CCDC87: variants seen among roughly 807,000 people sequenced by gnomAD.
The protein encoded by CCDC87 is coiled-coil domain-containing protein 87.
For synonymous variants in CCDC87, 434 were observed against 440.2 expected (o/e 0.99, Z 0.18); for missense variants, 1,072 against 1,041.7 (o/e 1.03, Z -0.40).
In CCDC87 at chr11:66,592,444, TC is replaced by T. The variant is rs1565320541; in HGVS notation, c.571del (p.Asp191MetfsTer37). The T allele has an allele frequency of 6.2e-7, 1 of 1,613,724 alleles. No homozygotes were observed. The stretch of plus-strand genomic sequence containing the variant: ...GCAGACAGGGTGCAGCTTGTCCACA[TC>T]CCCAGAGGCCTGCTCTGCCCTCAGC... The part of the protein sequence containing the change: ...ALLRAEQASG[D>X]VDKLHPVCPA... On this transcript the variant is annotated frameshift_variant, in exon 1 of 1. Coordinates refer to ENST00000333861, the MANE Select transcript of CCDC87 (RefSeq NM_018219.3). LOFTEE classifies it low-confidence loss of function (END_TRUNC).
In CCDC87 at chr11:66,592,116, C is replaced by A; in HGVS notation, c.900G>T (p.Ser300=). The A allele has an allele frequency of 6.3e-7, 1 of 1,587,358 alleles. No individual in the cohort carries two copies. Residue 300 remains serine, a synonymous_variant, in exon 1 of 1, where the codon TCG becomes TCT. Transcript: ENST00000333861. ...CTCTCCGGAGCTCAGGGCAGAAAGG[C>A]GAGGGGGAAGCCCTGCTGGTGGGGG... ...PVAPTSRASP[S]PFCPELRRGQ...
At position 66,592,832 on chromosome 11, in the gene CCDC87, C is replaced by G. The variant is rs759859325; in HGVS notation, c.184G>C (p.Val62Leu). Residue 62 changes from valine to leucine, a missense_variant, in exon 1 of 1, where the codon GTG becomes CTG. Val to Leu is a conservative substitution (Grantham distance 32). Transcript: ENST00000333861. The stretch of plus-strand genomic sequence containing the variant: ...CCGCTGCCGGCCAGCAGCTTGGCCA[C>G]CTGGCTGCACAGCGACGCCACCGTC... ...KLTVASLCSQ[V>L]AKLLAGSGIA... is the part of the protein sequence containing the mutation. 1 of 1,588,620 alleles carries G rather than the reference C, an allele frequency of 6.3e-7. No homozygotes were observed.
chr11:66,590,740 G>C lies in CCDC87; in HGVS notation c.2276C>G (p.Ser759Cys). ...CTGATTCTCCTCCAGGAAGTGACTG[G>C]AGCTCAAGTTGGTCTTTTTGAAGAA... ...NRFFKKTNLS[S>C]SHFLEENQVR... is the part of the protein sequence containing the mutation. The change falls in exon 1 of 1, where the codon TCC (serine) becomes TGC (cysteine). Residue 759 changes from serine to cysteine, a missense_variant. Transcript: ENST00000333861. The C allele has an allele frequency of 6.2e-7, 1 of 1,613,374 alleles. No individual in the cohort carries two copies. Among genetic ancestry groups the C allele is most frequent in the Non-Finnish European group, 8.5e-7 (1 of 1,180,042 alleles).
rs878919764 is a variant in CCDC87, at chr11:66,592,667, C to A, written c.349G>T (p.Glu117Ter). Residue 117 changes from glutamate to a stop codon, truncating the protein, a stop_gained, in exon 1 of 1, where the codon GAG (glutamate) becomes TAG (stop). Coordinates refer to ENST00000333861, the MANE Select transcript of CCDC87 (RefSeq NM_018219.3). LOFTEE classifies it low-confidence loss of function (END_TRUNC). ...TCGCTGCTCAGCAGCACGTAGGCCT[C>A]GAGCCGCTTCCGCAGCTTCTGGTTG... ...KNNQKLRKRL[E>*]AYVLLSSEQL... is the part of the protein sequence containing the mutation. 21 of 1,613,458 alleles carry A rather than the reference C, an allele frequency of 1.3e-5. No individual in the cohort carries two copies. The East Asian group carries it at 4.2e-4, about 33-fold the overall frequency.
At position 66,592,202 on chromosome 11, in the gene CCDC87, T is replaced by C; in HGVS notation, c.814A>G (p.Lys272Glu). The C allele has an allele frequency of 6.2e-7, 1 of 1,607,212 alleles. No individual in the cohort carries two copies. Among genetic ancestry groups the C allele is most frequent in the Non-Finnish European group, 8.5e-7 (1 of 1,176,686 alleles). The change falls in exon 1 of 1, where the codon AAG becomes GAG. Residue 272 changes from lysine to glutamate, a missense_variant. Transcript: ENST00000333861. ...GAACTGATGTCGATTTCTCTCTTCT[T>C]TCCTATGGAGGGCAGCCAGTGGAAA... Reference protein sequence around the residue: ...KPFHWLPSIGKKREIDISSSQ... With the variant: ...KPFHWLPSIGEKREIDISSSQ...
rs943369356 is a variant in CCDC87 at position 66,591,002 on chromosome 11, C to T, written c.2014G>A (p.Gly672Arg). 3 of 1,613,940 alleles carry T rather than the reference C, an allele frequency of 1.9e-6. No individual in the cohort carries two copies. Among genetic ancestry groups the T allele is most frequent in the Non-Finnish European group, 2.5e-6 (3 of 1,180,046 alleles). ...AGGCTCAGAATTTTGTGGGGTTCTC[C>T]CAGGTGGGGTGTCTTCCCAGCTCCT... Reference protein sequence around the residue: ...RLGAGKTPHLGEPHKILSLQK... With the variant: ...RLGAGKTPHLREPHKILSLQK... The change falls in exon 1 of 1, where the codon GGA becomes AGA. Residue 672 changes from glycine to arginine, a missense_variant. By Grantham distance (125) the Gly-to-Arg change is moderately radical (BLOSUM62 -2). Coordinates refer to ENST00000333861, the MANE Select transcript of CCDC87 (RefSeq NM_018219.3).
rs774315094 is a variant in CCDC87, at chr11:66,591,306, T to C, written c.1710A>G (p.Gln570=). The change falls in exon 1 of 1, where the codon CAA becomes CAG. Residue 570 remains glutamine (Q), a synonymous_variant. Transcript: ENST00000333861. ...TKKMPSLPSL[Q]ATKSWEKWSN... ...ACCACTTCTCCCAGCTTTTGGTAGC[T>C]TGGAGTGATGGGAGGGAGGGCATCT... The C allele has an allele frequency of 8.7e-6, 14 of 1,614,104 alleles. No individual in the cohort carries two copies. The highest frequency in any genetic ancestry group is 2.7e-5 in the African/African-American group (2 of 74,938).
Position 66,592,346 on chromosome 11 carries a change from T to G in CCDC87, c.670A>C (p.Asn224His), listed in dbSNP as rs1858383847. Residue 224 changes from asparagine (N) to histidine (H), a missense_variant, in exon 1 of 1, where the codon AAC (asparagine) becomes CAC (histidine). Coordinates refer to ENST00000333861, the MANE Select transcript of CCDC87 (RefSeq NM_018219.3). Reference sequence around the variant, plus strand: ...TGGATGAGGTAGTTCAGGTTGAGGTTAGAGCACTGCACTTGGGCGAAGCCA... The same window carrying G: ...TGGATGAGGTAGTTCAGGTTGAGGTGAGAGCACTGCACTTGGGCGAAGCCA... ...STGFAQVQCS[N>H]LNLNYLIQLS... 1 of 1,613,998 alleles carries G rather than the reference T, an allele frequency of 6.2e-7. No homozygotes were observed. The highest frequency in any genetic ancestry group is 1.3e-5 in the African/African-American group (1 of 74,898).
Position 66,590,643 on chromosome 11 carries a change from C to T in CCDC87, c.2373G>A (p.Glu791=), listed in dbSNP as rs776655567. 45 of 1,614,052 alleles carry T rather than the reference C, an allele frequency of 2.8e-5. No individual in the cohort carries two copies. In the Admixed American group the frequency reaches 6.8e-4, roughly 25 times the overall value. ...SSLVSLLEEI[E]LIFGEPVIFK... ...AGATCACTGGCTCGCCAAAGATTAA[C>T]TCTATCTCCTCCAGGAGGGAAACCA... Residue 791 remains glutamate (E), a synonymous_variant, in exon 1 of 1, where the codon GAG becomes GAA. Coordinates refer to ENST00000333861, the MANE Select transcript of CCDC87 (RefSeq NM_018219.3).
rs1858404906 is a variant in CCDC87, at chr11:66,593,020, C to T, written c.-5G>A. ...GGGCTTCGGGGGCTCCATCATAGAG[C>T]CGGCGGCCGCCACCGTCCAGGAACA... On this transcript the variant is annotated 5_prime_UTR_variant, in exon 1 of 1. Coordinates refer to ENST00000333861, the MANE Select transcript of CCDC87 (RefSeq NM_018219.3). 6.6e-7 allele frequency: 1 copy of T among 1,507,980 alleles called. No homozygotes were observed. The allele number at this position is 1,507,980 out of a possible 1,614,324, so 93.4% of individuals were successfully genotyped here.
In CCDC87 at chr11:66,592,943, A is replaced by G. The variant is rs759785775; in HGVS notation, c.73T>C (p.Phe25Leu). 2 of 1,518,742 alleles carry G rather than the reference A, an allele frequency of 1.3e-6. No homozygotes were observed. The highest frequency in any genetic ancestry group is 1.8e-6 in the Non-Finnish European group (2 of 1,135,790). 94.1% of individuals were successfully genotyped at this position (1,518,742 alleles called of 1,614,324 possible). A position where few individuals can be genotyped will look rare whatever the true frequency, so the allele number is the denominator to read the frequency against. Residue 25 changes from phenylalanine to leucine, a missense_variant, in exon 1 of 1, where the codon TTC becomes CTC. Physicochemically the swap from Phe to Leu is conservative, Grantham distance 22. Transcript: ENST00000333861. ...TCTGGGGACGTCGTCCTAGTGGGGA[A>G]GAGCGACAGCGGACGCAGCAGCCGG... Reference protein sequence around the residue: ...YHRLLRPLSLFPTRTTSPEPQ... With the variant: ...YHRLLRPLSLLPTRTTSPEPQ...
rs780692825 is a variant in CCDC87 at position 66,592,143 on chromosome 11, C to T, written c.873G>A (p.Val291=). 2 of 1,585,848 alleles carry T rather than the reference C, an allele frequency of 1.3e-6. No individual in the cohort carries two copies. The highest frequency in any genetic ancestry group is 2.3e-5 in the South Asian group (2 of 85,794). ...SQMVSLPSYP[V]APTSRASPSP... Reference sequence around the variant, plus strand: ...AGGGGGAAGCCCTGCTGGTGGGGGCCACAGGATAGCTGGGCAGCGACACCA... The same window carrying T: ...AGGGGGAAGCCCTGCTGGTGGGGGCTACAGGATAGCTGGGCAGCGACACCA... The change falls in exon 1 of 1, where the codon GTG becomes GTA. Residue 291 remains valine, a synonymous_variant. Transcript: ENST00000333861.
Position 66,592,094 on chromosome 11 carries a change from T to A in CCDC87, c.922A>T (p.Arg308Ter). 5 of 1,598,396 alleles carry A rather than the reference T, an allele frequency of 3.1e-6. No individual in the cohort carries two copies. The highest frequency in any genetic ancestry group is 4.3e-6 in the Non-Finnish European group (5 of 1,172,110). Residue 308 changes from arginine to a stop codon, truncating the protein, a stop_gained, in exon 1 of 1, where the codon AGA becomes TGA. Coordinates refer to ENST00000333861, the MANE Select transcript of CCDC87 (RefSeq NM_018219.3). LOFTEE classifies it low-confidence loss of function (END_TRUNC). ...CGCAGGGAGGGCATGGATTGGCCTC[T>A]CCGGAGCTCAGGGCAGAAAGGCGAG... is the stretch of plus-strand genomic sequence containing the variant. ...SPSPFCPELR[R>*]GQSMPSLREG...
Position 66,593,034 on chromosome 11 carries a change from C to A in CCDC87, c.-19G>T, listed in dbSNP as rs564660825. ...CCATCATAGAGCCGGCGGCCGCCAC[C>A]GTCCAGGAACAGAAAGCCGAGGGGT... On this transcript the variant is annotated 5_prime_UTR_variant, in exon 1 of 1. Transcript: ENST00000333861. 17 of 1,505,102 alleles carry A rather than the reference C, an allele frequency of 1.1e-5. No homozygotes were observed. The highest frequency in any genetic ancestry group is 4.7e-5 in the Admixed American group (2 of 42,706). 93.2% of individuals were successfully genotyped at this position (1,505,102 alleles called of 1,614,324 possible).
Position 66,591,011 on chromosome 11 carries a change from G to T in CCDC87, c.2005C>A (p.Pro669Thr), listed in dbSNP as rs770077171. The change falls in exon 1 of 1, where the codon CCC (proline) becomes ACC (threonine). Residue 669 changes from proline to threonine, a missense_variant. Pro to Thr is a conservative substitution (Grantham distance 38). Coordinates refer to ENST00000333861, the MANE Select transcript of CCDC87 (RefSeq NM_018219.3). ...LEHRLGAGKTPHLGEPHKILS... is the reference protein window; with the variant it reads ...LEHRLGAGKTTHLGEPHKILS... ...ATTTTGTGGGGTTCTCCCAGGTGGG[G>T]TGTCTTCCCAGCTCCTAGCCTGTGC... 1 of 1,614,000 alleles carries T rather than the reference G, an allele frequency of 6.2e-7. No individual in the cohort carries two copies. The highest frequency in any genetic ancestry group is 2.2e-5 in the East Asian group (1 of 44,880).
Position 66,592,064 on chromosome 11 carries a change from C to A in CCDC87, c.952G>T (p.Gly318Cys). 6.2e-7 allele frequency: 1 copy of A among 1,611,088 alleles called. No homozygotes were observed. Among genetic ancestry groups the A allele is most frequent in the Non-Finnish European group, 8.5e-7 (1 of 1,178,510 alleles). The stretch of plus-strand genomic sequence containing the variant: ...CCCAACTCATCTGCCAGCCTCCAGC[C>A]CTCACGCAGGGAGGGCATGGATTGG... Reference protein sequence around the residue: ...RGQSMPSLREGWRLADELGLP... With the variant: ...RGQSMPSLRECWRLADELGLP... Residue 318 changes from glycine (G) to cysteine (C), a missense_variant, in exon 1 of 1, where the codon GGC becomes TGC. Gly to Cys is a radical substitution (Grantham distance 159). Coordinates refer to ENST00000333861, the MANE Select transcript of CCDC87 (RefSeq NM_018219.3).
At position 66,590,758 on chromosome 11, in the gene CCDC87, T is replaced by C. The variant is rs1223369581; in HGVS notation, c.2258A>G (p.Lys753Arg). 2 of 1,613,042 alleles carry C rather than the reference T, an allele frequency of 1.2e-6. No individual in the cohort carries two copies. Among genetic ancestry groups the C allele is most frequent in the Middle Eastern group, 1.6e-4 (1 of 6,062 alleles). ...GQASNPNRFF[K>R]KTNLSSSHFL... ...GTGACTGGAGCTCAAGTTGGTCTTT[T>C]TGAAGAAGCGGTTGGGATTGGAAGC... The change falls in exon 1 of 1, where the codon AAA becomes AGA. Residue 753 changes from lysine to arginine, a missense_variant. Lys to Arg is a conservative substitution (Grantham distance 26). Coordinates refer to ENST00000333861, the MANE Select transcript of CCDC87 (RefSeq NM_018219.3).
rs530433678 is a variant in CCDC87 at position 66,592,678 on chromosome 11, C to T, written c.338G>A (p.Arg113Gln). ...SLSHKNNQKL[R>Q]KRLEAYVLLS... is the part of the protein sequence containing the mutation. Reference sequence around the variant, plus strand: ...CAGCACGTAGGCCTCGAGCCGCTTCCGCAGCTTCTGGTTGTTTTTGTGGCT... The same window carrying T: ...CAGCACGTAGGCCTCGAGCCGCTTCTGCAGCTTCTGGTTGTTTTTGTGGCT... The change falls in exon 1 of 1, where the codon CGG (arginine) becomes CAG (glutamine). Residue 113 changes from arginine (R) to glutamine (Q), a missense_variant. By Grantham distance (43) the Arg-to-Gln change is conservative. Coordinates refer to ENST00000333861, the MANE Select transcript of CCDC87 (RefSeq NM_018219.3). 21 of 1,614,100 alleles carry T rather than the reference C, an allele frequency of 1.3e-5. No homozygotes were observed. The East Asian group carries it at 4.0e-4, about 31-fold the overall frequency.
rs1858364474 is a variant in CCDC87, at chr11:66,591,753, G to A, written c.1263C>T (p.Ser421=). 1 of 1,613,668 alleles carries A rather than the reference G, an allele frequency of 6.2e-7. No homozygotes were observed. The highest frequency in any genetic ancestry group is 8.5e-7 in the Non-Finnish European group (1 of 1,180,014). Residue 421 remains serine, a synonymous_variant, in exon 1 of 1, where the codon TCC becomes TCT. Coordinates refer to ENST00000333861, the MANE Select transcript of CCDC87 (RefSeq NM_018219.3). ...SGQWDPQPPK[S]FPLHPQPVTI... is the part of the protein sequence containing the mutation. ...TCACTGGCTGTGGGTGAAGTGGAAAGGATTTGGGGGGCTGGGGGTCCCACT... is the reference window on the plus strand; with the variant it reads ...TCACTGGCTGTGGGTGAAGTGGAAAAGATTTGGGGGGCTGGGGGTCCCACT...
Sources: allele counts gnomAD v4.1 joint callset, GRCh38; gene constraint gnomAD v4.1.1; transcripts MANE v1.5; gene names NCBI Gene and HGNC (gene_info 2026-07-23, HGNC 2026-07-21).